Variants in AGK observed in about 807,000 individuals in gnomAD.
AGK encodes the protein acylglycerol kinase.
A neutral mutation model predicts 66.4 loss-of-function variants in AGK; 52 were observed. The observed-to-expected ratio is 0.78, with a 90% CI of 0.63 to 0.99. The LOEUF (loss-of-function observed/expected upper bound fraction) is 0.99. Ranked by LOEUF, AGK falls within the 50% of genes least tolerant of loss-of-function variation. The pLI is 0.00. For missense variants in AGK, 451 were observed against 506.6 expected (o/e 0.89, Z 1.05); for synonymous variants, 182 against 181.1 (o/e 1.00, Z -0.04).
At chr7:141,624,020 C>T (rs1300639089) in intron 9 of AGK, among the ~76,000 whole-genome samples, 1 of 151,952 alleles carries the variant, frequency 6.6e-6, no homozygotes, top group Non-Finnish European at 1.5e-5. Flanking sequence ...CTGTTTACAG[C>T]ATAGTTTACT....
intron 2 of AGK, among the ~76,000 whole-genome samples, chr7:141,570,667 C>T (rs1409142140): frequency 6.8e-6 from 1 of 147,204 alleles, no homozygotes; most frequent in African/African-American, 2.5e-5. Flanking sequence ...TTAAAGTAAA[C>T]CCAGATATTA....
chr7:141,630,803 C>T (rs888604448), intron 9 of AGK, among the ~76,000 whole-genome samples: 35 of 152,146 alleles, frequency 2.3e-4, no homozygotes, highest in African/African-American at 8.4e-4. Context: ...CACTGACAAG[C>T]AACAGAGGGG....
At chr7:141,584,496 T>C (rs1055602639) in intron 2 of AGK, among the ~76,000 whole-genome samples, 1 of 152,218 alleles carries the variant, frequency 6.6e-6, no homozygotes, top group Non-Finnish European at 1.5e-5. Context: ...CCCTAAAATG[T>C]ATAAAAGCAA....
At chr7:141,623,943 A>G (rs533850160) in intron 9 of AGK, among the ~76,000 whole-genome samples, 3 of 152,154 alleles carry the variant, frequency 2.0e-5, no homozygotes, top group African/African-American at 7.2e-5. Context: ...GGGCCTTTAA[A>G]AATTATGCTA....
intron 4 of AGK, among the ~76,000 whole-genome samples, chr7:141,597,890 C>CAAAAAAAAAAAAA (rs56295907): frequency 1.7e-4 from 12 of 71,430 alleles, no homozygotes; most frequent in African/African-American, 3.1e-4. Context: ...GACTCTGTCT[C>CAAAAAAAAAAAAA]AAAAAAAAAA....
chr7:141,653,043 A>AGAGGGGTACTTGCC lies in AGK; in HGVS notation c.*119_*120insGAGGGGTACTTGCC. The AGAGGGGTACTTGCC allele has an allele frequency of 7.9e-7, 1 of 1,260,238 alleles. No individual in the cohort carries two copies. Among genetic ancestry groups the AGAGGGGTACTTGCC allele is most frequent in the Non-Finnish European group, 1.1e-6 (1 of 903,374 alleles). The allele number at this position is 1,260,238 out of a possible 1,614,324, so 78.1% of individuals were successfully genotyped here. On this transcript the variant is annotated 3_prime_UTR_variant, in exon 16 of 16. Coordinates refer to ENST00000649286, the MANE Select transcript of AGK (RefSeq NM_018238.4). ...AGGGTCCCCAGGGCATTTTCATGGC[A>AGAGGGGTACTTGCC]AGTACCCCTCTGCCCCCACTCCAGC...
rs546205666 is a variant in AGK at position 141,577,205 on chromosome 7, T to A, written c.102-15941T>A. 1.1e-4 allele frequency among the ~76,000 whole-genome samples: 16 copies of A among 152,294 alleles called. No individual in the cohort carries two copies. The South Asian group carries it at 3.3e-3, about 32-fold the overall frequency. ...AGAGGGACAGGCCTCATTCTGTCTT[T>A]CCAGGGTTAACTTCAGCACCAACCT... is the stretch of plus-strand genomic sequence containing the variant. On this transcript the variant is annotated intron_variant, in intron 2 of 15. Coordinates refer to ENST00000649286, the MANE Select transcript of AGK (RefSeq NM_018238.4).
intron 15 of AGK, 112 bp downstream of exon 15, chr7:141,651,721 A>G (rs2117034050): frequency 1.0e-6 from 1 of 997,484 alleles, no homozygotes. Flanking sequence ...TTAGGCACAT[A>G]TTGTGTGCCA....
intron 13 of AGK, among the ~76,000 whole-genome samples, chr7:141,643,549 ACTTTC>A (rs1408204615): frequency 1.3e-5 from 2 of 152,162 alleles, no homozygotes; most frequent in Non-Finnish European, 2.9e-5. Flanking sequence ...CCAGGAATTC[ACTTTC>A]CTTTTAACAA....
At chr7:141,621,253 T>C (rs1796817228) in intron 8 of AGK, among the ~76,000 whole-genome samples, 1 of 152,182 alleles carries the variant, frequency 6.6e-6, no homozygotes, top group Non-Finnish European at 1.5e-5. Flanking sequence ...AAGCGCATCC[T>C]AGTAGTCCTG....
chr7:141,617,562 C>A (rs1007443731), intron 8 of AGK, among the ~76,000 whole-genome samples: 2 of 152,080 alleles, frequency 1.3e-5, no homozygotes, highest in African/African-American at 4.8e-5. Context: ...ATAGTTACCA[C>A]AGAGGAAAAA....
Position 141,601,273 on chromosome 7 carries a change from T to C in AGK, c.290T>C (p.Ile97Thr), listed in dbSNP as rs1796336236. The stretch of plus-strand genomic sequence containing the variant: ...CATTTATCTGGCATGGATGTGACTA[T>C]TGTTAAGGTAAGAATGGCTCCTGAA... Reference protein sequence around the residue: ...ILHLSGMDVTIVKTDYEGQAK... With the variant: ...ILHLSGMDVTTVKTDYEGQAK... The change falls in exon 5 of 16, where the codon ATT becomes ACT. Residue 97 changes from isoleucine (I) to threonine (T), a missense_variant. Ile to Thr is a moderately conservative substitution (Grantham distance 89, BLOSUM62 -1). Coordinates refer to ENST00000649286, the MANE Select transcript of AGK (RefSeq NM_018238.4). 2 of 1,612,178 alleles carry C rather than the reference T, an allele frequency of 1.2e-6. No homozygotes were observed. The highest frequency in any genetic ancestry group is 1.7e-6 in the Non-Finnish European group (2 of 1,178,714).
At position 141,569,432 on chromosome 7, in the gene AGK, G is replaced by C. The variant is rs1379039673; in HGVS notation, c.101+13865G>C. 3.3e-5 allele frequency among the ~76,000 whole-genome samples: 5 copies of C among 152,158 alleles called. No individual in the cohort carries two copies. The East Asian group carries it at 7.7e-4, about 23-fold the overall frequency. On this transcript the variant is annotated intron_variant, in intron 2 of 15. Transcript: ENST00000649286. ...GCCTGTAGTCCCAGCTACTCAGGAG[G>C]TTGAGGCAGGAGAATTGTTTGAACC...
chr7:141,569,923 G>A (rs12703389), intron 2 of AGK, among the ~76,000 whole-genome samples: 4,475 of 152,300 alleles, frequency 0.029, 108 homozygotes, highest in South Asian at 0.14. Flanking sequence ...GCTTCAGAGT[G>A]TGAGCTTCTG....
In AGK at chr7:141,604,834, G is replaced by A. The variant is rs930105569; in HGVS notation, c.297+3554G>A. On this transcript the variant is annotated intron_variant, in intron 5 of 15. Coordinates refer to ENST00000649286, the MANE Select transcript of AGK (RefSeq NM_018238.4). ...CTTGACCTCGTGATCTGCCTGCCTC[G>A]GCCTCCAATTGTTCCATGAATGCCA... Among the ~76,000 whole-genome samples the A allele has an allele frequency of 7.2e-5, 11 of 151,834 alleles. No homozygotes were observed. In the South Asian group the frequency reaches 1.5e-3, roughly 20 times the overall value.
At chr7:141,572,417 G>T (rs1795625430) in intron 2 of AGK, among the ~76,000 whole-genome samples, 1 of 152,214 alleles carries the variant, frequency 6.6e-6, no homozygotes, top group South Asian at 2.1e-4. Flanking sequence ...GGGTGTCTCT[G>T]CTTTGAGTTT....
At chr7:141,604,403 T>TATATATATATAC (rs1301537652) in intron 5 of AGK, among the ~76,000 whole-genome samples, 81 of 141,492 alleles carry the variant, frequency 5.7e-4, no homozygotes, top group African/African-American at 1.6e-3. Context: ...TATATATATA[T>TATATATATATAC]ACACATACAT....
At chr7:141,625,215 T>G (rs1796910953) in intron 9 of AGK, among the ~76,000 whole-genome samples, 1 of 152,194 alleles carries the variant, frequency 6.6e-6, no homozygotes, top group Non-Finnish European at 1.5e-5. Context: ...AAAAAGTTTT[T>G]TTGACTCATT....
chr7:141,555,147 T>G lies in AGK; in HGVS notation c.-14-306T>G, dbSNP rs1231661255. On this transcript the variant is annotated intron_variant, in intron 1 of 15. Coordinates refer to ENST00000649286, the MANE Select transcript of AGK (RefSeq NM_018238.4). This position sits in a 1 kb window ranked among gnomAD's most constrained non-coding sequence, Gnocchi z 4.2. ...AATTCCCTTCCTCTCTTTCTGCCCC[T>G]CCCTCTTCCTTCTATTGCAATGAAG... Among the ~76,000 whole-genome samples, 2 of 152,158 alleles carry G rather than the reference T, an allele frequency of 1.3e-5. No individual in the cohort carries two copies. Among genetic ancestry groups the G allele is most frequent in the Admixed American group, 6.5e-5 (1 of 15,280 alleles).
Sources: gnomAD v4.1 joint callset for allele counts (sites outside exome capture counted in the v4.1 genomes callset) on GRCh38, gnomAD v4.1.1 for gene constraint, Gnocchi (gnomAD v3.1) non-coding constraint, MANE v1.5 for transcripts, NCBI Gene and HGNC (gene_info 2026-07-23, HGNC 2026-07-21) for gene names.